The following AK4 variants were observed in gnomAD, a reference collection of about 807,000 sequenced individuals.
AK4 encodes adenylate kinase 4, mitochondrial.
Under a neutral mutation model 24.6 loss-of-function variants are expected in AK4, and 13 were observed. The observed-to-expected ratio is 0.53, with a 90% CI of 0.34 to 0.84. The LOEUF (loss-of-function observed/expected upper bound fraction) is 0.84. AK4 is among the 40% of genes least tolerant of loss of function. The pLI, the probability that AK4 is intolerant of heterozygous loss-of-function variation, is 0.01. For missense variants in AK4, 192 were observed against 288.2 expected, an observed-to-expected ratio of 0.67 and a Z score of 2.42; for synonymous variants, 88 against 107.0, an observed-to-expected ratio of 0.82 and a Z score of 1.10.
rs535747592 is a variant in AK4 at position 65,193,934 on chromosome 1, C to T, written c.265+3105C>T. On this transcript the variant is annotated intron_variant, in intron 2 of 4. Coordinates refer to ENST00000327299, the MANE Select transcript of AK4 (RefSeq NM_013410.4). ...TGGGCAACATTGCAAAACCTCATCT[C>T]GACAAAAATTAGCCGGGTGTGGTGG... Among the ~76,000 whole-genome samples the T allele has an allele frequency of 7.2e-5, 11 of 152,190 alleles. No homozygotes were observed. In the East Asian group the frequency reaches 1.9e-3, roughly 27 times the overall value.
chr1:65,173,993 C>T (rs1365187103), intron 1 of AK4, among the ~76,000 whole-genome samples: 1 of 152,126 alleles, frequency 6.6e-6, no homozygotes, highest in East Asian at 1.9e-4. Context: ...ATCAGCCATT[C>T]CCCACACACC....
chr1:65,148,903 C>T, intron 1 of AK4: 1 of 171,582 alleles, frequency 5.8e-6, no homozygotes, highest in Non-Finnish European at 1.2e-5. Context: ...GTCCCCGTAC[C>T]CCTTAGCCCT....
chr1:65,221,910 C>T (rs939587406), intron 3 of AK4, among the ~76,000 whole-genome samples: 1 of 152,096 alleles, frequency 6.6e-6, no homozygotes, highest in Admixed American at 6.5e-5. Context: ...GGATATATAC[C>T]CTGGGGTTCG....
chr1:65,166,967 A>C (rs978369280), intron 1 of AK4, among the ~76,000 whole-genome samples: 3 of 152,318 alleles, frequency 2.0e-5, no homozygotes, highest in Non-Finnish European at 1.5e-5. Flanking sequence ...CCCTGTCTCT[A>C]CTAAAAATAC....
At chr1:65,195,263 C>A (rs1162925707) in intron 2 of AK4, among the ~76,000 whole-genome samples, 7 of 152,120 alleles carry the variant, frequency 4.6e-5, no homozygotes, top group Non-Finnish European at 1.5e-5. Flanking sequence ...CTCTCATGAC[C>A]TGATCATCTC....
chr1:65,183,390 G>A (rs1650973978), intron 1 of AK4, among the ~76,000 whole-genome samples: 1 of 152,062 alleles, frequency 6.6e-6, no homozygotes, highest in Non-Finnish European at 1.5e-5. Flanking sequence ...AGCTGGGACT[G>A]CAGGTGCACA....
At chr1:65,202,624 C>G (rs143568422) in intron 2 of AK4, among the ~76,000 whole-genome samples, 52 of 152,102 alleles carry the variant, frequency 3.4e-4, no homozygotes, top group African/African-American at 1.2e-3. Context: ...ACCTGCTTCC[C>G]TAATTTATGA....
At chr1:65,193,206 T>C (rs138157487) in intron 2 of AK4, among the ~76,000 whole-genome samples, 4 of 152,322 alleles carry the variant, frequency 2.6e-5, no homozygotes, top group East Asian at 3.9e-4. Context: ...GAAGCCATGC[T>C]CTGTAGGTCT....
At chr1:65,205,940 C>T (rs999164134) in intron 2 of AK4, among the ~76,000 whole-genome samples, 18 of 152,206 alleles carry the variant, frequency 1.2e-4, no homozygotes, top group Non-Finnish European at 8.8e-5. Flanking sequence ...GTGCCATGCA[C>T]CTGTGCTGTG....
intron 1 of AK4, among the ~76,000 whole-genome samples, chr1:65,159,480 G>C (rs1439187134): frequency 1.3e-5 from 2 of 151,322 alleles, no homozygotes; most frequent in Non-Finnish European, 2.9e-5. Flanking sequence ...AACATGGCAA[G>C]ACCCTGTCTC....
chr1:65,225,895 T>G lies in AK4; in HGVS notation c.558-168T>G, dbSNP rs144902011. 6.9e-3 allele frequency among the ~76,000 whole-genome samples: 1,046 copies of G among 152,310 alleles called. 13 individuals are homozygous for G. The highest frequency in any genetic ancestry group is 0.024 in the African/African-American group (993 of 41,564). On this transcript the variant is annotated intron_variant, in intron 4 of 4. Transcript: ENST00000327299. ...ATTGCAAAAGCTATGACCTTATTTA[T>G]GTACACCCAGTGGAGGTGTTGATAC...
At chr1:65,184,557 C>T (rs74080320) in intron 1 of AK4, among the ~76,000 whole-genome samples, 3,671 of 152,272 alleles carry the variant, frequency 0.024, 148 homozygotes, top group African/African-American at 0.083. Flanking sequence ...TGTGTGAACA[C>T]ACTCAGGATT....
At chr1:65,168,690 A>C (rs1650413309) in intron 1 of AK4, among the ~76,000 whole-genome samples, 1 of 152,198 alleles carries the variant, frequency 6.6e-6, no homozygotes, top group African/African-American at 2.4e-5. Flanking sequence ...GCCTCATAAA[A>C]GCCTACCTAC....
chr1:65,148,060 G>A (rs1344218965), upstream of AK4: 2 of 240,278 alleles, frequency 8.3e-6, no homozygotes, highest in Non-Finnish European at 1.6e-5. Context: ...GGATGAAGGT[G>A]GGACTGGCCG....
At chr1:65,213,358 T>C (rs1652029441) in intron 2 of AK4, among the ~76,000 whole-genome samples, 1 of 152,076 alleles carries the variant, frequency 6.6e-6, no homozygotes, top group African/African-American at 2.4e-5. Context: ...GAAGGAGGCT[T>C]ATGGAAGTAG....
In AK4 at chr1:65,190,706, A is replaced by G. The variant is rs1360999097; in HGVS notation, c.146-4A>G. 1.2e-6 allele frequency: 2 copies of G among 1,605,566 alleles called. No homozygotes were observed. Among genetic ancestry groups the G allele is most frequent in the East Asian group, 2.2e-5 (1 of 44,692 alleles). Reference sequence around the variant, plus strand: ...TACCTCTTTTTTTCTTGTCTTTTTAATAGAAGTTGGTGAGATGGCAAAGCA... The same window carrying G: ...TACCTCTTTTTTTCTTGTCTTTTTAGTAGAAGTTGGTGAGATGGCAAAGCA... On this transcript the variant is annotated splice_region_variant and splice_polypyrimidine_tract_variant and intron_variant, in intron 1 of 4. Transcript: ENST00000327299.
At chr1:65,173,788 G>T (rs11208601) in intron 1 of AK4, among the ~76,000 whole-genome samples, 7,427 of 152,010 alleles carry the variant, frequency 0.049, 473 homozygotes, top group African/African-American at 0.16. Context: ...CCCTAAACCC[G>T]GGAAGCTGAG....
chr1:65,200,402 A>G (rs1378699532), intron 2 of AK4, among the ~76,000 whole-genome samples: 1 of 152,168 alleles, frequency 6.6e-6, no homozygotes, highest in Non-Finnish European at 1.5e-5. Context: ...GGCGTGAGCC[A>G]CCGTGCCCGG....
chr1:65,220,146 A>C (rs545983608), intron 3 of AK4, among the ~76,000 whole-genome samples: 1 of 152,228 alleles, frequency 6.6e-6, no homozygotes, highest in Non-Finnish European at 1.5e-5. Context: ...TTTGAAGAAC[A>C]TCTTGGTTCC....
Sources: allele counts gnomAD v4.1 joint callset (sites outside exome capture counted in the v4.1 genomes callset), GRCh38; gene constraint gnomAD v4.1.1; transcripts MANE v1.5; gene names NCBI Gene and HGNC (gene_info 2026-07-23, HGNC 2026-07-21).